The following PATJ variants were observed in gnomAD, a reference collection of about 807,000 sequenced individuals.
PATJ encodes the protein PATJ crumbs cell polarity complex component, also known as inaD-like protein.
PATJ carries 190 observed loss-of-function variants against 224.9 expected under a neutral mutation model. That is an observed-to-expected ratio of 0.84 (90% CI 0.75 to 0.95). The LOEUF (loss-of-function observed/expected upper bound fraction) is 0.95. PATJ is among the 40% of genes least tolerant of loss of function. The pLI is 0.00. For missense variants in PATJ, 2,121 were observed against 2,270.3 expected (o/e 0.93, Z 1.34); for synonymous variants, 769 against 820.3 (o/e 0.94, Z 1.07).
chr1:61,858,544 G>C (rs1664064572), intron 18 of PATJ, among the ~76,000 whole-genome samples: 1 of 152,110 alleles, frequency 6.6e-6, no homozygotes, highest in African/African-American at 2.4e-5. Context: ...TTACAGGCGT[G>C]AGCCACCACA....
chr1:61,818,830 C>T (rs546502414), intron 14 of PATJ, among the ~76,000 whole-genome samples: 2 of 152,260 alleles, frequency 1.3e-5, no homozygotes, highest in East Asian at 3.9e-4. Flanking sequence ...ATCCTGACTC[C>T]AGCTGTTCCA....
chr1:61,793,247 G>T (rs909094514), intron 9 of PATJ, among the ~76,000 whole-genome samples: 3 of 152,024 alleles, frequency 2.0e-5, no homozygotes, highest in African/African-American at 4.8e-5. Context: ...GATATGCGGG[G>T]CCCACTGTAC....
intron 28 of PATJ, among the ~76,000 whole-genome samples, chr1:62,013,883 C>T (rs1646606164): frequency 6.6e-6 from 1 of 152,090 alleles, no homozygotes; most frequent in East Asian, 1.9e-4. Flanking sequence ...AAGTGATTCT[C>T]ATGCCTCAGC....
intron 27 of PATJ, among the ~76,000 whole-genome samples, chr1:61,933,367 C>T (rs1039733582): frequency 4.0e-5 from 6 of 151,794 alleles, no homozygotes; most frequent in African/African-American, 1.5e-4. Context: ...GGTGAAACCC[C>T]GTCTCTACTA....
chr1:61,976,892 C>T (rs1644165176), intron 27 of PATJ, among the ~76,000 whole-genome samples: 1 of 151,980 alleles, frequency 6.6e-6, no homozygotes, highest in East Asian at 1.9e-4. Context: ...TATCCCCAGA[C>T]ATTATGTCAT....
chr1:62,018,044 AC>A lies in PATJ; in HGVS notation c.3959+98del. 1.5e-6 allele frequency: 1 copy of A among 669,868 alleles called. No homozygotes were observed. Among genetic ancestry groups the A allele is most frequent in the Non-Finnish European group, 2.8e-6 (1 of 361,010 alleles). 41.5% of individuals were successfully genotyped at this position (669,868 alleles called of 1,614,324 possible). A position where few individuals can be genotyped will look rare whatever the true frequency, so the allele number is the denominator to read the frequency against. On this transcript the variant is annotated intron_variant, in intron 29 of 43. Coordinates refer to ENST00000642238, the MANE Select transcript of PATJ (RefSeq NM_001350145.3). This position sits in a 1 kb window ranked among gnomAD's most constrained non-coding sequence, Gnocchi z 4.2. ...CATCTTTGATTTGTCTAGCGAAATC[AC>A]TGTTCCTTCTAAAAACATATATTCC...
chr1:61,803,787 A>G (rs1653014897), intron 12 of PATJ, among the ~76,000 whole-genome samples: 1 of 152,138 alleles, frequency 6.6e-6, no homozygotes, highest in Non-Finnish European at 1.5e-5. Context: ...CTTTAGAGTA[A>G]AATCAAAATC....
intron 42 of PATJ, among the ~76,000 whole-genome samples, chr1:62,148,936 G>A (rs1257346377): frequency 6.6e-6 from 1 of 151,950 alleles, no homozygotes; most frequent in Non-Finnish European, 1.5e-5. Flanking sequence ...AGACCAGCCT[G>A]GCCAACATGA....
chr1:62,077,463 T>C (rs1044481729), intron 31 of PATJ, among the ~76,000 whole-genome samples: 1 of 151,594 alleles, frequency 6.6e-6, no homozygotes, highest in Non-Finnish European at 1.5e-5. Flanking sequence ...CTGAGGTGGG[T>C]GGATTGCTTG....
At chr1:61,926,057 A>G (rs147808214) in intron 26 of PATJ, among the ~76,000 whole-genome samples, 1 of 152,248 alleles carries the variant, frequency 6.6e-6, no homozygotes, top group African/African-American at 2.4e-5. Flanking sequence ...CCCAAACAGC[A>G]CAAGTGACAA....
At chr1:61,905,528 G>A (rs1357766846) in intron 24 of PATJ, among the ~76,000 whole-genome samples, 1 of 152,170 alleles carries the variant, frequency 6.6e-6, no homozygotes, top group Non-Finnish European at 1.5e-5. Flanking sequence ...TTTAATTATT[G>A]ACTATTACAA....
At chr1:61,796,722 CTTTTTCTTTCTTTCTTTCT>C (rs144559429) in intron 10 of PATJ, among the ~76,000 whole-genome samples, 52 of 31,150 alleles carry the variant, frequency 1.7e-3, no homozygotes, top group African/African-American at 3.1e-3. Context: ...TTCTTTCTTT[CTTTTTCTTTCTTTCTTTCT>C]TTTTTTTCTT....
intron 1 of PATJ, among the ~76,000 whole-genome samples, chr1:61,752,033 G>A (rs538341141): frequency 6.6e-6 from 1 of 150,724 alleles, no homozygotes; most frequent in African/African-American, 2.4e-5. Context: ...AGCTACTCAG[G>A]AAGTTGAGGC....
chr1:61,791,627 AT>A (rs1237921563), intron 9 of PATJ, among the ~76,000 whole-genome samples, 180 bp downstream of exon 9: 1 of 152,214 alleles, frequency 6.6e-6, no homozygotes, highest in African/African-American at 2.4e-5. Context: ...CAATAGTTTT[AT>A]AGCTGGCTTG....
intron 14 of PATJ, among the ~76,000 whole-genome samples, chr1:61,812,501 G>A (rs1048043069): frequency 5.3e-5 from 8 of 150,758 alleles, no homozygotes; most frequent in Admixed American, 2.7e-4. Context: ...TTGGAGACGG[G>A]GCAGAGGTAC....
intron 22 of PATJ, among the ~76,000 whole-genome samples, chr1:61,898,573 G>A (rs552743240): frequency 6.6e-6 from 1 of 152,126 alleles, no homozygotes; most frequent in Admixed American, 6.6e-5. Context: ...AAGAGGTAGT[G>A]CCTAGATTTT....
intron 31 of PATJ, among the ~76,000 whole-genome samples, chr1:62,059,549 G>C (rs55972190): frequency 6.6e-6 from 1 of 151,894 alleles, no homozygotes; most frequent in African/African-American, 2.4e-5. Context: ...CCCGGGAGAC[G>C]GAGGTTGCAA....
intron 27 of PATJ, among the ~76,000 whole-genome samples, chr1:61,974,538 G>A (rs907559464): frequency 2.0e-5 from 3 of 148,688 alleles, no homozygotes; most frequent in East Asian, 2.0e-4. Context: ...CTCAGCATCC[G>A]CTAACAGTGA....
intron 1 of PATJ, among the ~76,000 whole-genome samples, chr1:61,744,162 A>G (rs958430294): frequency 6.6e-6 from 1 of 151,582 alleles, no homozygotes; most frequent in Non-Finnish European, 1.5e-5. Flanking sequence ...AGCTTTTTAA[A>G]TAGTCAGGTG....
Sources: allele counts gnomAD v4.1 joint callset (sites outside exome capture counted in the v4.1 genomes callset), GRCh38; gene constraint gnomAD v4.1.1; non-coding constraint Gnocchi (gnomAD v3.1); transcripts MANE v1.5; gene names NCBI Gene and HGNC (gene_info 2026-07-23, HGNC 2026-07-21).